Variants in RGSL1 observed in about 807,000 individuals in gnomAD.
The protein encoded by RGSL1 is regulator of G protein signaling protein-like.
RGSL1 carries 97 observed loss-of-function variants against 124.7 expected under a neutral mutation model. That is an observed-to-expected ratio of 0.78 (90% CI 0.66 to 0.92). The LOEUF is 0.92. Among genes scored for constraint, RGSL1 ranks in the 40% least tolerant of loss-of-function variants. RGSL1 has a pLI of 0.00. For synonymous variants in RGSL1, 424 were observed against 438.1 expected (o/e 0.97, Z 0.40); for missense variants, 1,233 against 1,288.4 (o/e 0.96, Z 0.66).
At chr1:182,532,611 T>A (rs1659252926) in intron 13 of RGSL1, 51 bp from the exon 14 acceptor site, 1 of 1,535,280 alleles carries the variant, frequency 6.5e-7, no homozygotes, top group Non-Finnish European at 8.8e-7. Context: ...AGACTCTCGG[T>A]GAACAGCAAC....
chr1:182,508,502 T>G (rs1657019588), intron 9 of RGSL1, among the ~76,000 whole-genome samples: 1 of 151,794 alleles, frequency 6.6e-6, no homozygotes, highest in Admixed American at 6.6e-5. Flanking sequence ...TTTCGCCATG[T>G]TGGTCAGGCT....
At chr1:182,487,223 G>C (rs763489164) in intron 6 of RGSL1, among the ~76,000 whole-genome samples, 1 of 151,992 alleles carries the variant, frequency 6.6e-6, no homozygotes, top group South Asian at 2.1e-4. Flanking sequence ...TCACCTTTTC[G>C]CTGCATGATT....
chr1:182,480,504 G>A (rs550397486), intron 6 of RGSL1, among the ~76,000 whole-genome samples: 27 of 149,998 alleles, frequency 1.8e-4, no homozygotes, highest in African/African-American at 5.4e-4. Context: ...CACCCAGGCT[G>A]GAGTGCAGTG....
intron 9 of RGSL1, among the ~76,000 whole-genome samples, chr1:182,509,971 C>T (rs1345483620): frequency 5.7e-5 from 7 of 123,488 alleles, no homozygotes; most frequent in East Asian, 2.5e-4. Context: ...ACAGGGCGGC[C>T]GGGCAGAGAC....
At chr1:182,484,258 T>C (rs1377406240) in intron 6 of RGSL1, among the ~76,000 whole-genome samples, 1 of 152,082 alleles carries the variant, frequency 6.6e-6, no homozygotes, top group Non-Finnish European at 1.5e-5. Flanking sequence ...TATGTCATCT[T>C]AGTCCTGGAA....
intron 9 of RGSL1, among the ~76,000 whole-genome samples, chr1:182,518,532 C>T (rs1219907682): frequency 6.6e-6 from 1 of 152,132 alleles, no homozygotes; most frequent in Non-Finnish European, 1.5e-5. Context: ...CCCCACTTAC[C>T]CGCTTTGCCT....
intron 9 of RGSL1, among the ~76,000 whole-genome samples, chr1:182,518,734 A>G (rs1315310025): frequency 6.6e-6 from 1 of 152,168 alleles, no homozygotes; most frequent in Non-Finnish European, 1.5e-5. Flanking sequence ...GGGGTATCTC[A>G]GATGTGGAAA....
chr1:182,527,385 C>A (rs973265967), intron 10 of RGSL1, among the ~76,000 whole-genome samples, 194 bp from the exon 11 acceptor site: 2 of 152,156 alleles, frequency 1.3e-5, no homozygotes, highest in Admixed American at 1.3e-4. Context: ...TTGGACCAAG[C>A]TTAGAAATGG....
intron 9 of RGSL1, among the ~76,000 whole-genome samples, chr1:182,508,290 GTTTTTTTTTTT>G (rs58641894): frequency 1.9e-5 from 1 of 53,784 alleles, no homozygotes; most frequent in Non-Finnish European, 3.1e-5. Context: ...TGGTGGTGGT[GTTTTTTTTTTT>G]TTTTTTTTTT....
chr1:182,523,320 C>T (rs913668462), intron 10 of RGSL1, among the ~76,000 whole-genome samples: 5 of 151,672 alleles, frequency 3.3e-5, no homozygotes, highest in Non-Finnish European at 5.9e-5. Context: ...AGATTACAGG[C>T]ATTTGTACCC....
At chr1:182,488,599 G>A (rs1048989594) in intron 7 of RGSL1, 10 of 426,140 alleles carry the variant, frequency 2.3e-5, no homozygotes, top group South Asian at 4.8e-5. Flanking sequence ...AGTGGCGGGC[G>A]CCTGTAGTCC....
intron 6 of RGSL1, among the ~76,000 whole-genome samples, chr1:182,482,580 A>G (rs1654793494): frequency 6.6e-6 from 1 of 152,224 alleles, no homozygotes; most frequent in Admixed American, 6.5e-5. Flanking sequence ...GATAAAATCA[A>G]TATTCAAAAA....
In RGSL1 at chr1:182,481,930, G is replaced by A. The variant is rs74941874; in HGVS notation, c.1432-6355G>A. 7.9e-3 allele frequency among the ~76,000 whole-genome samples: 1,210 copies of A among 152,260 alleles called. 25 individuals carry two copies. Among genetic ancestry groups the A allele is most frequent in the African/African-American group, 0.028 (1,167 of 41,534 alleles). On this transcript the variant is annotated intron_variant, in intron 6 of 21. Transcript: ENST00000294854. Reference sequence around the variant, plus strand: ...TTTGAAGCTGCAGTGAGCCATGTTCGTGACACTGCATGCCAGCCTGGTGAC... The same window carrying A: ...TTTGAAGCTGCAGTGAGCCATGTTCATGACACTGCATGCCAGCCTGGTGAC...
rs1279283386 is a variant in RGSL1, at chr1:182,489,100, A to G, written c.1615A>G (p.Met539Val). 3.9e-6 allele frequency: 6 copies of G among 1,551,598 alleles called. No individual in the cohort carries two copies. In the African/African-American group the frequency reaches 4.1e-5, roughly 11 times the overall value. Residue 539 changes from methionine (M) to valine (V), a missense_variant, in exon 8 of 22, where the codon ATG becomes GTG. Coordinates refer to ENST00000294854, the MANE Select transcript of RGSL1 (RefSeq NM_001137669.2). ...AGAGTTAAGCCAGGCTTTGGCTGAC[A>G]TGAAGGAAATGGACTATAGGCAGTG... ...SLELSQALAD[M>V]KEMDYRQWRK... is the part of the protein sequence containing the mutation.
intron 14 of RGSL1, 65 bp downstream of exon 14, chr1:182,532,856 T>TA (rs1659278578): frequency 6.7e-7 from 1 of 1,487,518 alleles, no homozygotes; most frequent in Non-Finnish European, 9.1e-7. Context: ...TCAGCCCACA[T>TA]AAGAAGCTTA....
chr1:182,559,290 T>C (rs1472080195), intron 21 of RGSL1, among the ~76,000 whole-genome samples: 2 of 152,152 alleles, frequency 1.3e-5, no homozygotes, highest in Non-Finnish European at 2.9e-5. Context: ...CCAAATCAGT[T>C]TTGGCCCCTT....
intron 9 of RGSL1, among the ~76,000 whole-genome samples, chr1:182,516,738 A>C (rs1657924884): frequency 6.6e-6 from 1 of 152,132 alleles, no homozygotes; most frequent in Admixed American, 6.5e-5. Flanking sequence ...AAATTTTTAC[A>C]CTTTAACTCC....
intron 8 of RGSL1, 113 bp from the exon 9 acceptor site, chr1:182,492,909 G>A (rs1359800808): frequency 1.4e-5 from 10 of 722,376 alleles, no homozygotes; most frequent in East Asian, 2.7e-5. Context: ...GATTACAAAC[G>A]TGAGCCACTG....
intron 20 of RGSL1, chr1:182,555,177 C>T (rs73059398): frequency 0.043 from 6,773 of 156,190 alleles, 489 homozygotes; most frequent in African/African-American, 0.15. Flanking sequence ...TATTATTTCG[C>T]GGTCAATGTC....
Sources: allele counts gnomAD v4.1 joint callset (sites outside exome capture counted in the v4.1 genomes callset), GRCh38; gene constraint gnomAD v4.1.1; transcripts MANE v1.5; gene names NCBI Gene and HGNC (gene_info 2026-07-23, HGNC 2026-07-21).